CAMTA1: variants seen among roughly 807,000 people sequenced by gnomAD.
CAMTA1 encodes calmodulin-binding transcription activator 1.
Under a neutral mutation model 170.9 loss-of-function variants are expected in CAMTA1, and 27 were observed. The ratio of observed to expected loss-of-function variants is 0.16; its 90% CI spans 0.12 to 0.22. CAMTA1 has a LOEUF of 0.22. Ranked by LOEUF, CAMTA1 falls within the 10% of genes least tolerant of loss-of-function variation. The pLI, the probability that CAMTA1 is intolerant of heterozygous loss-of-function variation, is 1.00. For synonymous variants in CAMTA1, 833 were observed against 891.5 expected (o/e 0.93, Z 1.17); for missense variants, 1,619 against 2,217.2 (o/e 0.73, Z 5.42).
rs1382034861 is a variant in CAMTA1 at position 7,767,706 on chromosome 1, G to C, written c.*1215G>C. ...AACAGAGATATGTGCATGAAATCAA[G>C]AAAAAAGAAATGAACAAAAGCAAAG... On this transcript the variant is annotated 3_prime_UTR_variant, in exon 23 of 23. Transcript: ENST00000303635. 1 of 152,418 alleles carries C rather than the reference G, an allele frequency of 6.6e-6. No individual in the cohort carries two copies. The highest frequency in any genetic ancestry group is 1.5e-5 in the Non-Finnish European group (1 of 67,930). 9.4% of individuals were successfully genotyped at this position (152,418 alleles called of 1,614,324 possible). A position where few individuals can be genotyped will look rare whatever the true frequency, so the allele number is the denominator to read the frequency against.
chr1:7,488,660 CAT>C lies in CAMTA1; in HGVS notation c.510+20763_510+20764del, dbSNP rs754559717. On this transcript the variant is annotated intron_variant, in intron 6 of 22. Coordinates refer to ENST00000303635, the MANE Select transcript of CAMTA1 (RefSeq NM_015215.4). ...ATACATATAAGCACATATGTGCACA[CAT>C]ATAAACACTTGCATACACACACATA... 7.9e-5 allele frequency among the ~76,000 whole-genome samples: 12 copies of C among 152,148 alleles called. 1 individual carries two copies. Among genetic ancestry groups the C allele is most frequent in the Non-Finnish European group, 1.3e-4 (9 of 68,018 alleles).
intron 6 of CAMTA1, among the ~76,000 whole-genome samples, chr1:7,476,146 G>GCACACTCCAGAGCACTTGGA (rs1553175856): frequency 6.6e-6 from 1 of 152,210 alleles, no homozygotes; most frequent in Non-Finnish European, 1.5e-5. Flanking sequence ...CTGACCATGG[G>GCACACTCCAGAGCACTTGGA]CACACTCCAG....
intron 22 of CAMTA1, among the ~76,000 whole-genome samples, chr1:7,758,394 T>C (rs955468152): frequency 6.6e-6 from 1 of 152,192 alleles, no homozygotes; most frequent in Non-Finnish European, 1.5e-5. Flanking sequence ...ACGACATCTA[T>C]GCAAGTTTGA....
intron 4 of CAMTA1, among the ~76,000 whole-genome samples, chr1:7,106,307 G>A (rs555983803): frequency 6.6e-6 from 1 of 151,948 alleles, no homozygotes; most frequent in South Asian, 2.1e-4. Context: ...AGGAGGAGGA[G>A]ACGAAAGAGG....
At chr1:6,816,292 C>A (rs1645799358) in intron 1 of CAMTA1, among the ~76,000 whole-genome samples, 1 of 152,112 alleles carries the variant, frequency 6.6e-6, no homozygotes, top group Admixed American at 6.6e-5. Context: ...GGAATTTACC[C>A]CTATTGGATA....
chr1:7,186,981 G>A (rs1216144512), intron 4 of CAMTA1, among the ~76,000 whole-genome samples: 2 of 151,988 alleles, frequency 1.3e-5, no homozygotes, highest in African/African-American at 2.4e-5. Context: ...CTTCTTAGTA[G>A]GGGGTAATTC....
chr1:7,023,787 G>T (rs776165225), intron 3 of CAMTA1, among the ~76,000 whole-genome samples: 3 of 152,146 alleles, frequency 2.0e-5, no homozygotes, highest in Non-Finnish European at 4.4e-5. Context: ...TAGCACTTTG[G>T]GAGGCTGAGG....
At chr1:6,849,740 A>G (rs773537498) in intron 3 of CAMTA1, among the ~76,000 whole-genome samples, 3 of 152,156 alleles carry the variant, frequency 2.0e-5, no homozygotes, top group Non-Finnish European at 4.4e-5. Flanking sequence ...ACCACTTAAA[A>G]AATATTAGGT....
rs1203167095 is a variant in CAMTA1 at position 7,665,844 on chromosome 1, AG to A, written c.2652+649del. 6.6e-6 allele frequency among the ~76,000 whole-genome samples: 1 copy of A among 151,896 alleles called. No individual in the cohort carries two copies. Among genetic ancestry groups the A allele is most frequent in the Non-Finnish European group, 1.5e-5 (1 of 67,962 alleles). The stretch of plus-strand genomic sequence containing the variant: ...GTTTTGCTTTGCTTTTTTTTTGAAA[AG>A]GGGTCCCAGGGTTGCTTAAAAAAAT... On this transcript the variant is annotated intron_variant, in intron 9 of 22. Coordinates refer to ENST00000303635, the MANE Select transcript of CAMTA1 (RefSeq NM_015215.4). The surrounding 1 kb of genome is among the most constrained non-coding windows in gnomAD (Gnocchi z 4.3).
chr1:7,662,443 G>T (rs1446515647), intron 8 of CAMTA1, among the ~76,000 whole-genome samples: 1 of 152,046 alleles, frequency 6.6e-6, no homozygotes, highest in Non-Finnish European at 1.5e-5. Context: ...ACTTCTCTAC[G>T]CAGTCTTGGT....
chr1:6,793,886 C>A (rs1369495766), intron 1 of CAMTA1, among the ~76,000 whole-genome samples: 1 of 152,098 alleles, frequency 6.6e-6, no homozygotes, highest in Non-Finnish European at 1.5e-5. Context: ...TCTGAAAAGT[C>A]ATTTCTGAGG....
At chr1:7,480,920 A>T (rs947281686) in intron 6 of CAMTA1, among the ~76,000 whole-genome samples, 1 of 151,924 alleles carries the variant, frequency 6.6e-6, no homozygotes. Context: ...CCAACTTCTC[A>T]CGGCTAGAGC....
In CAMTA1 at chr1:7,580,132, G is replaced by A. The variant is rs1880807; in HGVS notation, c.511-60268G>A. On this transcript the variant is annotated intron_variant, in intron 6 of 22. Transcript: ENST00000303635. The surrounding 1 kb of genome is among the most constrained non-coding windows in gnomAD (Gnocchi z 4.3). ...CACAGGGAGCATCCCTGCCCACAGC[G>A]GGCTCACAGTCCGAGAGGACACTGG... 2.7e-3 allele frequency among the ~76,000 whole-genome samples: 414 copies of A among 152,372 alleles called. 10 individuals are homozygous for A. In the South Asian group the frequency reaches 0.053, roughly 20 times the overall value.
At chr1:6,826,091 C>T (rs1008300626) in intron 3 of CAMTA1, among the ~76,000 whole-genome samples, 1 of 152,134 alleles carries the variant, frequency 6.6e-6, no homozygotes, top group African/African-American at 2.4e-5. Context: ...TTAAAAGACA[C>T]AAGAAGAAAA....
chr1:7,095,227 A>T (rs1254052144), intron 4 of CAMTA1, among the ~76,000 whole-genome samples: 2 of 152,194 alleles, frequency 1.3e-5, no homozygotes, highest in African/African-American at 4.8e-5. Context: ...GGGCTTGTTC[A>T]TGGGGCACCC....
chr1:7,689,935 A>G (rs2096292240), intron 11 of CAMTA1, among the ~76,000 whole-genome samples: 1 of 152,178 alleles, frequency 6.6e-6, no homozygotes, highest in Non-Finnish European at 1.5e-5. Flanking sequence ...AGTTGGGCGT[A>G]TCACCTGAGG....
intron 3 of CAMTA1, among the ~76,000 whole-genome samples, chr1:6,910,553 A>T (rs1679478593): frequency 6.6e-6 from 1 of 152,136 alleles, no homozygotes; most frequent in Non-Finnish European, 1.5e-5. Flanking sequence ...TTGAAAGGAA[A>T]ATGCTAATGT....
At chr1:7,500,078 T>C (rs2093961967) in intron 6 of CAMTA1, among the ~76,000 whole-genome samples, 1 of 142,348 alleles carries the variant, frequency 7.0e-6, no homozygotes, top group African/African-American at 2.7e-5. Context: ...AGTGTGTGTG[T>C]GCATGTGTGT....
At chr1:6,876,472 C>G (rs1182882154) in intron 3 of CAMTA1, among the ~76,000 whole-genome samples, 1 of 151,876 alleles carries the variant, frequency 6.6e-6, no homozygotes, top group Non-Finnish European at 1.5e-5. Context: ...TACCGATTCT[C>G]CTGCCTCAGC....
Sources: allele counts gnomAD v4.1 joint callset (sites outside exome capture counted in the v4.1 genomes callset), GRCh38; gene constraint gnomAD v4.1.1; non-coding constraint Gnocchi (gnomAD v3.1); transcripts MANE v1.5; gene names NCBI Gene and HGNC (gene_info 2026-07-23, HGNC 2026-07-21).